The following HDAC2 variants were observed in gnomAD, a reference collection of about 807,000 sequenced individuals.
HDAC2 encodes the protein histone deacetylase 2.
Under a neutral mutation model 68.5 loss-of-function variants are expected in HDAC2, and 5 were observed. The ratio of observed to expected loss-of-function variants is 0.07; its 90% confidence interval spans 0.04 to 0.15. The LOEUF is 0.15. Among genes scored for constraint, HDAC2 ranks in the 10% least tolerant of loss-of-function variants. HDAC2 has a pLI of 1.00. For synonymous variants in HDAC2, 182 were observed against 191.3 expected (o/e 0.95, Z 0.40); for missense variants, 291 against 600.8 (o/e 0.48, Z 5.39).
rs1485701766 is a variant in HDAC2, at chr6:113,936,821, GTC to G, written c.*4235_*4236del. ...AGCCTGGACAATATGGTGAGAACCC[GTC>G]TCTACTAAATATACAAAAATTAGCC... On this transcript the variant is annotated 3_prime_UTR_variant, in exon 14 of 14. Transcript: ENST00000519065. 1 of 151,892 alleles carries G rather than the reference GTC, an allele frequency of 6.6e-6. No individual in the cohort carries two copies. The highest frequency in any genetic ancestry group is 2.4e-5 in the African/African-American group (1 of 41,330). 9.4% of individuals were successfully genotyped at this position (151,892 alleles called of 1,614,324 possible).
intron 4 of HDAC2, 53 bp downstream of exon 4, chr6:113,956,566 G>C (rs1776559652): frequency 1.6e-6 from 2 of 1,225,766 alleles, no homozygotes; most frequent in African/African-American, 3.0e-5. Context: ...TAACCCGAAA[G>C]ATAACACACC....
At chr6:113,946,623 G>C (rs1185064542) in intron 8 of HDAC2, 1 of 152,110 alleles carries the variant, frequency 6.6e-6, no homozygotes, top group African/African-American at 2.4e-5. Flanking sequence ...TAGTGGTACT[G>C]AGTAGTTTTC....
At position 113,942,630 on chromosome 6, in the gene HDAC2, T is replaced by C. The variant is rs564294288; in HGVS notation, c.1378+721A>G. On this transcript the variant is annotated intron_variant, in intron 12 of 13. Transcript: ENST00000519065. ...GAGAATACAAATATTTAAGATACTG[T>C]GTTCCCTAGCCATGAGCAGCTCAGT... Among the ~76,000 whole-genome samples, 88 of 152,262 alleles carry C rather than the reference T, an allele frequency of 5.8e-4. 2 individuals are homozygous for C. In the South Asian group the frequency reaches 0.017, roughly 29 times the overall value.
At chr6:113,958,543 C>G (rs751616742) in intron 3 of HDAC2, 106 bp downstream of exon 3, 6 of 634,126 alleles carry the variant, frequency 9.5e-6, no homozygotes, top group Admixed American at 5.7e-5. Context: ...ATAACTGTAA[C>G]ATATTAGACC....
rs1562139131 is a variant in HDAC2 at position 113,940,906 on chromosome 6, C to A, written c.*152G>T. 5.7e-6 allele frequency: 3 copies of A among 522,202 alleles called. No individual in the cohort carries two copies. The highest frequency in any genetic ancestry group is 9.8e-6 in the Non-Finnish European group (3 of 305,348). The allele number at this position is 522,202 out of a possible 1,614,324, so 32.3% of individuals were successfully genotyped here. On this transcript the variant is annotated 3_prime_UTR_variant, in exon 14 of 14. Transcript: ENST00000519065. Reference sequence around the variant, plus strand: ...TTAGAAAAACTCACAATAAAACTTGCCAAGAAAAACAAAAACGAAAAAGCC... The same window carrying A: ...TTAGAAAAACTCACAATAAAACTTGACAAGAAAAACAAAAACGAAAAAGCC...
chr6:113,970,438 A>G (rs932458621), intron 1 of HDAC2: 1 of 1,025,320 alleles, frequency 9.8e-7, no homozygotes, highest in Non-Finnish European at 1.2e-6. Flanking sequence ...CTCGCGGGGG[A>G]CGGGTCGAGG....
Position 113,940,888 on chromosome 6 carries a change from AACTC to A in HDAC2, c.*166_*169del. On this transcript the variant is annotated 3_prime_UTR_variant, in exon 14 of 14. Coordinates refer to ENST00000519065, the MANE Select transcript of HDAC2 (RefSeq NM_001527.4). Reference sequence around the variant, plus strand: ...AGAAATTTTGCTTCATAATTAGAAAAACTCACAATAAAACTTGCCAAGAAAAACA... The same window carrying A: ...AGAAATTTTGCTTCATAATTAGAAAAACAATAAAACTTGCCAAGAAAAACA... 1 of 489,346 alleles carries A rather than the reference AACTC, an allele frequency of 2.0e-6. No individual in the cohort carries two copies. 30.3% of individuals were successfully genotyped at this position (489,346 alleles called of 1,614,324 possible). A position where few individuals can be genotyped will look rare whatever the true frequency, so the allele number is the denominator to read the frequency against.
At chr6:113,946,245 C>T in intron 8 of HDAC2, 97 bp from the exon 9 acceptor site, 1 of 912,268 alleles carries the variant, frequency 1.1e-6, no homozygotes, top group Non-Finnish European at 1.6e-6. Context: ...GTTACTCAAC[C>T]AAAATGGGTT....
At chr6:113,959,376 G>A (rs1305146752) in intron 2 of HDAC2, among the ~76,000 whole-genome samples, 2 of 151,706 alleles carry the variant, frequency 1.3e-5, no homozygotes, top group Non-Finnish European at 2.9e-5. Flanking sequence ...GCTAATTGTC[G>A]TGTCTGTATT....
chr6:113,933,991 G>C lies in HDAC2; in HGVS notation c.*7067C>G, dbSNP rs1346650021. 1 of 151,544 alleles carries C rather than the reference G, an allele frequency of 6.6e-6. No individual in the cohort carries two copies. The highest frequency in any genetic ancestry group is 1.5e-5 in the Non-Finnish European group (1 of 67,908). 9.4% of individuals were successfully genotyped at this position (151,544 alleles called of 1,614,324 possible). On this transcript the variant is annotated 3_prime_UTR_variant, in exon 14 of 14. Coordinates refer to ENST00000519065, the MANE Select transcript of HDAC2 (RefSeq NM_001527.4). ...CTCTGACTTTGATTTTTTTTTAATA[G>C]TAATGTTTGGTACAATCAACTGACT...
At chr6:113,941,363 TTTC>T (rs1776128988) in intron 13 of HDAC2, among the ~76,000 whole-genome samples, 2 of 152,202 alleles carry the variant, frequency 1.3e-5, no homozygotes, top group South Asian at 4.1e-4. Flanking sequence ...CTTAAAATTG[TTTC>T]TTAAATTTAC....
intron 1 of HDAC2, chr6:113,969,949 AAAG>A (rs1776934838): frequency 6.6e-6 from 1 of 152,254 alleles, no homozygotes; most frequent in African/African-American, 2.4e-5. Flanking sequence ...AAAGAGCAAC[AAAG>A]AAGTGGGTGG....
intron 3 of HDAC2, among the ~76,000 whole-genome samples, chr6:113,957,506 G>A (rs964139464): frequency 4.7e-5 from 7 of 149,552 alleles, no homozygotes; most frequent in African/African-American, 1.5e-4. Context: ...TTTGGAGACA[G>A]AGTCTCACTC....
intron 1 of HDAC2, among the ~76,000 whole-genome samples, chr6:113,966,696 T>C (rs1041632024): frequency 3.8e-4 from 58 of 151,056 alleles, no homozygotes; most frequent in African/African-American, 1.4e-3. Flanking sequence ...TATGTTATAG[T>C]GAGGAGAGAG....
At chr6:113,966,412 G>T (rs1270497214) in intron 1 of HDAC2, among the ~76,000 whole-genome samples, 1 of 151,790 alleles carries the variant, frequency 6.6e-6, no homozygotes, top group East Asian at 1.9e-4. Flanking sequence ...ATTAGCCAGG[G>T]GTGGTGGCAC....
At chr6:113,961,981 T>A (rs1479007790) in intron 1 of HDAC2, among the ~76,000 whole-genome samples, 1 of 151,740 alleles carries the variant, frequency 6.6e-6, no homozygotes, top group African/African-American at 2.4e-5. Context: ...TACCACATCA[T>A]AACATCAAAT....
rs140378134 is a variant in HDAC2, at chr6:113,941,925, C to T, written c.1379-160G>A. Among the ~76,000 whole-genome samples, 190 of 151,884 alleles carry T rather than the reference C, an allele frequency of 1.3e-3. 1 individual carries two copies. The highest frequency in any genetic ancestry group is 4.5e-3 in the African/African-American group (185 of 41,452). On this transcript the variant is annotated intron_variant, in intron 12 of 13. Coordinates refer to ENST00000519065, the MANE Select transcript of HDAC2 (RefSeq NM_001527.4). ...AGCTTTGTGTTGGGTGTTTCCTAAA[C>T]GATGGCAGTACAAGCTATGAATAGT...
At position 113,933,745 on chromosome 6, in the gene HDAC2, T is replaced by C. The variant is rs1775939342; in HGVS notation, c.*7313A>G. 1 of 150,082 alleles carries C rather than the reference T, an allele frequency of 6.7e-6. No individual in the cohort carries two copies. The highest frequency in any genetic ancestry group is 2.4e-5 in the African/African-American group (1 of 41,154). The allele number at this position is 150,082 out of a possible 1,614,324, so 9.3% of individuals were successfully genotyped here. ...AATGGTGGCTGCTCCTTGTCTGACATTCTTTGTGTGTGTGTATGTATATTA... is the reference window on the plus strand; with the variant it reads ...AATGGTGGCTGCTCCTTGTCTGACACTCTTTGTGTGTGTGTATGTATATTA... On this transcript the variant is annotated 3_prime_UTR_variant, in exon 14 of 14. Transcript: ENST00000519065.
intron 1 of HDAC2, 127 bp from the exon 2 acceptor site, chr6:113,960,145 C>T: frequency 3.1e-6 from 2 of 653,690 alleles, no homozygotes. Context: ...ACCTTAGCAA[C>T]TTAGATTTAT....
Sources: allele counts gnomAD v4.1 joint callset (sites outside exome capture counted in the v4.1 genomes callset), GRCh38; gene constraint gnomAD v4.1.1; transcripts MANE v1.5; gene names NCBI Gene and HGNC (gene_info 2026-07-23, HGNC 2026-07-21).